The following ATRNL1 variants were observed in gnomAD, a reference collection of about 807,000 sequenced individuals.
ATRNL1 encodes the protein attractin-like protein 1.
A neutral mutation model predicts 182.7 loss-of-function variants in ATRNL1; 95 were observed. The ratio of observed to expected loss-of-function variants is 0.52; its 90% CI spans 0.44 to 0.62. ATRNL1 has a LOEUF of 0.62. ATRNL1 is among the 20% of genes least tolerant of loss of function. ATRNL1 has a pLI of 0.00. For synonymous variants in ATRNL1, 576 were observed against 568.3 expected (o/e 1.01, Z -0.19); for missense variants, 1,471 against 1,679.5 (o/e 0.88, Z 2.17).
intron 8 of ATRNL1, among the ~76,000 whole-genome samples, chr10:115,182,895 A>G (rs1847801957): frequency 6.6e-6 from 1 of 151,436 alleles, no homozygotes; most frequent in South Asian, 2.1e-4. Flanking sequence ...TCAATACACG[A>G]TAGGATAAAA....
chr10:115,705,407 A>G (rs1946866336), intron 26 of ATRNL1, among the ~76,000 whole-genome samples: 1 of 151,960 alleles, frequency 6.6e-6, no homozygotes. Context: ...TATGCTGTAT[A>G]TTTATTACTT....
At chr10:115,919,636 A>G (rs1258688464) in intron 28 of ATRNL1, among the ~76,000 whole-genome samples, 1 of 152,206 alleles carries the variant, frequency 6.6e-6, no homozygotes, top group African/African-American at 2.4e-5. Flanking sequence ...ATATATGTAT[A>G]CATATGTACA....
intron 28 of ATRNL1, among the ~76,000 whole-genome samples, chr10:115,883,161 C>T (rs149283657): frequency 2.2e-3 from 331 of 152,302 alleles, no homozygotes; most frequent in African/African-American, 7.4e-3. Flanking sequence ...ACTCTATACC[C>T]ATCCAAGAAC....
At chr10:115,930,483 AG>A (rs1279980185) in intron 28 of ATRNL1, among the ~76,000 whole-genome samples, 2 of 152,180 alleles carry the variant, frequency 1.3e-5, no homozygotes, top group African/African-American at 2.4e-5. Context: ...TCAGTCCAAC[AG>A]CCAGGCAATT....
At chr10:115,609,716 G>A (rs2133961554) in intron 26 of ATRNL1, among the ~76,000 whole-genome samples, 1 of 152,156 alleles carries the variant, frequency 6.6e-6, no homozygotes, top group East Asian at 1.9e-4. Context: ...GAGGAAGCAG[G>A]GGATAAAATC....
chr10:115,118,481 C>T (rs1378133999), intron 1 of ATRNL1, among the ~76,000 whole-genome samples: 1 of 152,020 alleles, frequency 6.6e-6, no homozygotes, highest in African/African-American at 2.4e-5. Flanking sequence ...CACCATAAGC[C>T]GATTTTAAGA....
intron 8 of ATRNL1, among the ~76,000 whole-genome samples, chr10:115,209,102 C>G (rs1333548914): frequency 2.6e-5 from 4 of 151,774 alleles, no homozygotes; most frequent in East Asian, 1.9e-4. Context: ...ATTTGGAAAG[C>G]ATTTCCTGCC....
At position 115,598,348 on chromosome 10, in the gene ATRNL1, A is replaced by ATTTATTTATTTATTT. The variant is rs1565201465; in HGVS notation, c.3795+48812_3795+48813insTTTATTTATTTATTT. Among the ~76,000 whole-genome samples the ATTTATTTATTTATTT allele has an allele frequency of 1.4e-3, 46 of 34,040 alleles. No homozygotes were observed. The South Asian group carries it at 0.023, about 17-fold the overall frequency. The allele number at this position is 34,040 out of a possible 152,430, so 22.3% of individuals were successfully genotyped here. ...AACATTTTACATTATTTATTTAAAA[A>ATTTATTTATTTATTT]AATTATTTATTTATTTATTTATTTA... On this transcript the variant is annotated intron_variant, in intron 26 of 28. Transcript: ENST00000355044.
intron 26 of ATRNL1, among the ~76,000 whole-genome samples, chr10:115,687,271 C>T (rs1395252077): frequency 2.0e-5 from 3 of 152,136 alleles, no homozygotes; most frequent in South Asian, 2.1e-4. Context: ...TCTCCACTTC[C>T]GTCTTCCCCC....
At chr10:115,270,431 A>G (rs1223318169) in intron 13 of ATRNL1, among the ~76,000 whole-genome samples, 1 of 145,986 alleles carries the variant, frequency 6.8e-6, no homozygotes, top group Non-Finnish European at 1.5e-5. Context: ...ATTTGTTTAT[A>G]TATAATCTAT....
chr10:115,784,614 T>C (rs533963729), intron 27 of ATRNL1, among the ~76,000 whole-genome samples: 3 of 152,324 alleles, frequency 2.0e-5, no homozygotes, highest in Admixed American at 6.5e-5. Flanking sequence ...AGGGTTGGTT[T>C]CTTTTGGAGG....
intron 15 of ATRNL1, among the ~76,000 whole-genome samples, chr10:115,290,987 C>T (rs1410136404): frequency 6.6e-6 from 1 of 152,206 alleles, no homozygotes; most frequent in Non-Finnish European, 1.5e-5. Flanking sequence ...ATGTAGCCTC[C>T]ACGTTGAACA....
At chr10:115,107,839 G>A (rs2143497716) in intron 1 of ATRNL1, among the ~76,000 whole-genome samples, 1 of 152,262 alleles carries the variant, frequency 6.6e-6, no homozygotes, top group South Asian at 2.1e-4. Context: ...AGTGACTGGG[G>A]AGGCTAAGGG....
At chr10:115,399,194 G>T (rs1471099918) in intron 20 of ATRNL1, among the ~76,000 whole-genome samples, 6 of 152,076 alleles carry the variant, frequency 3.9e-5, no homozygotes, top group Non-Finnish European at 8.8e-5. Flanking sequence ...CCAGGTTTTA[G>T]TATCAAGATG....
chr10:115,385,936 C>A (rs1301831467), intron 19 of ATRNL1, among the ~76,000 whole-genome samples: 1 of 152,144 alleles, frequency 6.6e-6, no homozygotes, highest in African/African-American at 2.4e-5. Flanking sequence ...GGCCTAATGT[C>A]ATTACCAAAC....
chr10:115,879,916 G>A (rs534058289), intron 28 of ATRNL1, among the ~76,000 whole-genome samples: 1 of 152,172 alleles, frequency 6.6e-6, no homozygotes, highest in African/African-American at 2.4e-5. Context: ...TGGGGTCAGG[G>A]TGGGGCAGTA....
At chr10:115,559,459 C>T (rs982601190) in intron 26 of ATRNL1, among the ~76,000 whole-genome samples, 30 of 148,324 alleles carry the variant, frequency 2.0e-4, no homozygotes, top group East Asian at 4.8e-4. Flanking sequence ...CGCGCACGCA[C>T]GCACATGCGC....
chr10:115,319,237 C>T (rs1361492950), intron 18 of ATRNL1, among the ~76,000 whole-genome samples: 1 of 152,112 alleles, frequency 6.6e-6, no homozygotes, highest in Non-Finnish European at 1.5e-5. Flanking sequence ...AATTTGATTG[C>T]CCTGTTGTCT....
chr10:115,762,893 T>C (rs1444441700), intron 27 of ATRNL1, among the ~76,000 whole-genome samples: 1 of 152,138 alleles, frequency 6.6e-6, no homozygotes, highest in East Asian at 1.9e-4. Flanking sequence ...TTTGTTTAAA[T>C]TTTTGAAATG....
Sources: gnomAD v4.1 joint callset for allele counts (sites outside exome capture counted in the v4.1 genomes callset) on GRCh38, gnomAD v4.1.1 for gene constraint, MANE v1.5 for transcripts, NCBI Gene and HGNC (gene_info 2026-07-23, HGNC 2026-07-21) for gene names.